RAD51B: variants seen among roughly 807,000 people sequenced by gnomAD.
RAD51B encodes RAD51 paralog B.
A neutral mutation model predicts 42.2 loss-of-function variants in RAD51B; 38 were observed. The ratio of observed to expected loss-of-function variants is 0.90; its 90% CI spans 0.70 to 1.18. The LOEUF (loss-of-function observed/expected upper bound fraction) is 1.18. Ranked by LOEUF, RAD51B falls within the 50% of genes most tolerant of loss-of-function variation. The probability of loss-of-function intolerance (pLI) is 0.00; values close to 1 mark genes in which losing one functional copy is unlikely to be tolerated. For synonymous variants in RAD51B, 154 were observed against 145.2 expected (o/e 1.06, Z -0.43); for missense variants, 373 against 400.7 (o/e 0.93, Z 0.59).
intron 10 of RAD51B, among the ~76,000 whole-genome samples, chr14:68,575,029 A>G (rs960637487): frequency 1.3e-5 from 2 of 152,220 alleles, no homozygotes; most frequent in African/African-American, 4.8e-5. Context: ...ACATCCAAGT[A>G]TGTTCTCCAC....
intron 7 of RAD51B, among the ~76,000 whole-genome samples, chr14:68,171,696 G>A (rs1302205710): frequency 2.6e-5 from 4 of 151,808 alleles, no homozygotes; most frequent in African/African-American, 9.7e-5. Flanking sequence ...CATCTTGTTT[G>A]TCATATTTCT....
chr14:68,574,989 G>T (rs1034671542), intron 10 of RAD51B, among the ~76,000 whole-genome samples: 1 of 152,166 alleles, frequency 6.6e-6, no homozygotes, highest in Non-Finnish European at 1.5e-5. Context: ...AGGAAAGCAC[G>T]CCATTGACTG....
chr14:68,513,778 C>A (rs1885926196), intron 10 of RAD51B, among the ~76,000 whole-genome samples: 1 of 152,172 alleles, frequency 6.6e-6, no homozygotes, highest in African/African-American at 2.4e-5. Context: ...GAGCTGCCAG[C>A]CACATGTGGC....
chr14:67,992,017 T>C (rs1296103032), intron 7 of RAD51B, among the ~76,000 whole-genome samples: 1 of 152,176 alleles, frequency 6.6e-6, no homozygotes, highest in African/African-American at 2.4e-5. Flanking sequence ...AACTTTGTCA[T>C]GTTTCTTTCA....
chr14:68,137,700 C>T (rs2078039357), intron 7 of RAD51B, among the ~76,000 whole-genome samples: 1 of 152,184 alleles, frequency 6.6e-6, no homozygotes, highest in African/African-American at 2.4e-5. Context: ...CTACAGTCCA[C>T]AGGTGTTCAT....
chr14:68,319,136 AC>A (rs1004216864), intron 8 of RAD51B, among the ~76,000 whole-genome samples: 7 of 152,184 alleles, frequency 4.6e-5, no homozygotes, highest in Admixed American at 4.6e-4. Context: ...GGCCCTGGAA[AC>A]GGAGGAGTTT....
At chr14:68,671,697 CT>C (rs1893162248) in intron 11 of RAD51B, among the ~76,000 whole-genome samples, 1 of 152,068 alleles carries the variant, frequency 6.6e-6, no homozygotes, top group African/African-American at 2.4e-5. Context: ...GATATGTTGG[CT>C]TTAATGAATC....
At chr14:68,116,660 C>T (rs917367831) in intron 7 of RAD51B, among the ~76,000 whole-genome samples, 5 of 152,136 alleles carry the variant, frequency 3.3e-5, no homozygotes, top group Admixed American at 6.5e-5. Context: ...ATAGTAATTT[C>T]GCAGTGTAAA....
intron 7 of RAD51B, among the ~76,000 whole-genome samples, chr14:68,097,920 T>C (rs1272135582): frequency 1.3e-5 from 2 of 152,208 alleles, no homozygotes; most frequent in African/African-American, 2.4e-5. Flanking sequence ...CTGACTTTGT[T>C]GCATCATCAC....
At chr14:68,034,995 T>C (rs2076099363) in intron 7 of RAD51B, among the ~76,000 whole-genome samples, 1 of 152,182 alleles carries the variant, frequency 6.6e-6, no homozygotes, top group South Asian at 2.1e-4. Context: ...CTTAAATATA[T>C]ACCAGATGTG....
intron 10 of RAD51B, among the ~76,000 whole-genome samples, chr14:68,476,898 C>T (rs371585494): frequency 4.6e-5 from 7 of 152,306 alleles, no homozygotes; most frequent in African/African-American, 1.7e-4. Flanking sequence ...CTTTTGACAT[C>T]TCCCCAGCTA....
At chr14:68,246,936 A>G (rs1216494090) in intron 7 of RAD51B, among the ~76,000 whole-genome samples, 1 of 152,204 alleles carries the variant, frequency 6.6e-6, no homozygotes, top group Non-Finnish European at 1.5e-5. Context: ...GGACACAAAC[A>G]CACCCATGCT....
At chr14:68,467,085 GATA>G (rs2086005043) in intron 9 of RAD51B, among the ~76,000 whole-genome samples, 1 of 152,132 alleles carries the variant, frequency 6.6e-6, no homozygotes, top group African/African-American at 2.4e-5. Flanking sequence ...CTTTGTTTCT[GATA>G]ATGTTTTAAT....
chr14:68,051,345 A>G (rs554938868), intron 7 of RAD51B, among the ~76,000 whole-genome samples: 29 of 152,222 alleles, frequency 1.9e-4, no homozygotes, highest in Admixed American at 5.9e-4. Context: ...CAACATCGGA[A>G]TGTACTCTCA....
intron 7 of RAD51B, among the ~76,000 whole-genome samples, chr14:68,238,510 G>A (rs1324129861): frequency 6.6e-6 from 1 of 152,032 alleles, no homozygotes; most frequent in Non-Finnish European, 1.5e-5. Context: ...TCACTGTGTT[G>A]CCCAGGCTGA....
intron 10 of RAD51B, among the ~76,000 whole-genome samples, chr14:68,648,084 T>TATGTGTGTGTGTATATATATACAC (rs1397524369): frequency 1.8e-5 from 1 of 55,900 alleles, no homozygotes; most frequent in Non-Finnish European, 4.0e-5. Context: ...CACGTATATA[T>TATGTGTGTGTGTATATATATACAC]ACGTGTGTGT....
chr14:68,301,055 G>T (rs1050584286), intron 8 of RAD51B, among the ~76,000 whole-genome samples: 3 of 152,170 alleles, frequency 2.0e-5, no homozygotes, highest in Non-Finnish European at 4.4e-5. Context: ...GTGTATATGT[G>T]CAGTGTATGT....
chr14:68,127,864 T>C lies in RAD51B; in HGVS notation c.757-164020T>C, dbSNP rs184859247. Among the ~76,000 whole-genome samples, 4 of 152,308 alleles carry C rather than the reference T, an allele frequency of 2.6e-5. No homozygotes were observed. The East Asian group carries it at 7.7e-4, about 29-fold the overall frequency. ...ATTAAATTTTAGAGTTTTCATTGTA[T>C]CTCATGATGGAATTGCCTGTTAGTT... is the stretch of plus-strand genomic sequence containing the variant. On this transcript the variant is annotated intron_variant, in intron 7 of 10. Coordinates refer to ENST00000471583, the MANE Select transcript of RAD51B (RefSeq NM_133510.4).
At chr14:67,894,841 G>A (rs1242978816) in intron 7 of RAD51B, among the ~76,000 whole-genome samples, 1 of 152,012 alleles carries the variant, frequency 6.6e-6, no homozygotes. Flanking sequence ...GTGCAATGGC[G>A]TGGTCATAGC....
Sources: gnomAD v4.1 joint callset for allele counts (sites outside exome capture counted in the v4.1 genomes callset) on GRCh38, gnomAD v4.1.1 for gene constraint, MANE v1.5 for transcripts, NCBI Gene and HGNC (gene_info 2026-07-23, HGNC 2026-07-21) for gene names.